RIMS2: variants seen among roughly 807,000 people sequenced by gnomAD.
RIMS2 encodes the protein regulating synaptic membrane exocytosis protein 2.
In RIMS2, 59 loss-of-function variants were observed where a neutral mutation model predicts 174.4. The observed-to-expected ratio is 0.34, with a 90% CI of 0.27 to 0.42. RIMS2 has a LOEUF of 0.42. Ranked by LOEUF, RIMS2 falls within the 10% of genes least tolerant of loss-of-function variation. RIMS2 has a pLI of 1.00. For synonymous variants in RIMS2, 606 were observed against 572.5 expected, an observed-to-expected ratio of 1.06 and a Z score of -0.84; for missense variants, 1,620 against 1,666.3, an observed-to-expected ratio of 0.97 and a Z score of 0.48.
intron 3 of RIMS2, among the ~76,000 whole-genome samples, chr8:103,876,774 G>A (rs374223657): frequency 3.4e-5 from 5 of 147,998 alleles, no homozygotes; most frequent in Non-Finnish European, 6.0e-5. Context: ...CCATTATTAC[G>A]TTCCTTTTTG....
chr8:104,233,401 C>T (rs189989477), intron 19 of RIMS2, among the ~76,000 whole-genome samples: 1 of 152,146 alleles, frequency 6.6e-6, no homozygotes, highest in East Asian at 1.9e-4. Context: ...ATGGTAGCCA[C>T]AGAAAAACTG....
intron 15 of RIMS2, among the ~76,000 whole-genome samples, chr8:103,962,011 GT>G (rs1164911440): frequency 1.3e-5 from 2 of 152,090 alleles, no homozygotes; most frequent in Non-Finnish European, 2.9e-5. Flanking sequence ...TCATAAAGTA[GT>G]TTTGAGAAAT....
intron 2 of RIMS2, among the ~76,000 whole-genome samples, chr8:103,757,784 G>A (rs891117744): frequency 1.3e-5 from 2 of 152,164 alleles, no homozygotes; most frequent in Non-Finnish European, 2.9e-5. Context: ...AGAAGAGAAG[G>A]CGATGTGAAG....
intron 2 of RIMS2, among the ~76,000 whole-genome samples, chr8:103,760,807 G>T (rs1468914204): frequency 2.0e-5 from 3 of 152,134 alleles, no homozygotes; most frequent in African/African-American, 7.2e-5. Flanking sequence ...ATGTATATTT[G>T]TTGAGCTTTA....
chr8:103,954,806 A>C (rs1261520808), intron 14 of RIMS2, among the ~76,000 whole-genome samples: 1 of 152,164 alleles, frequency 6.6e-6, no homozygotes, highest in Non-Finnish European at 1.5e-5. Flanking sequence ...AAAATCAACA[A>C]ATCCAGGAGC....
chr8:104,191,171 G>A (rs1439730642), intron 19 of RIMS2, among the ~76,000 whole-genome samples: 5 of 151,920 alleles, frequency 3.3e-5, no homozygotes, highest in African/African-American at 7.3e-5. Flanking sequence ...TTGAAACATA[G>A]TCTCTATTTT....
intron 18 of RIMS2, among the ~76,000 whole-genome samples, chr8:104,013,911 A>G (rs1476577836): frequency 6.6e-6 from 1 of 152,206 alleles, no homozygotes. Flanking sequence ...CTCCTACAGA[A>G]TGAGAAACTA....
chr8:103,565,539 C>G (rs1398580675), intron 1 of RIMS2, among the ~76,000 whole-genome samples: 1 of 152,146 alleles, frequency 6.6e-6, no homozygotes, highest in East Asian at 1.9e-4. Flanking sequence ...TATCCGAGTT[C>G]AAGCAATCTG....
At chr8:103,703,769 G>C (rs1188146695) in intron 2 of RIMS2, among the ~76,000 whole-genome samples, 2 of 151,972 alleles carry the variant, frequency 1.3e-5, no homozygotes, top group Non-Finnish European at 2.9e-5. Context: ...AAATGGGATT[G>C]CTTGTTTGAT....
chr8:103,579,923 G>T (rs1411975487), intron 1 of RIMS2, among the ~76,000 whole-genome samples: 3 of 152,138 alleles, frequency 2.0e-5, no homozygotes, highest in Non-Finnish European at 4.4e-5. Flanking sequence ...TGAAGACGGA[G>T]ATGCTGCACA....
intron 19 of RIMS2, among the ~76,000 whole-genome samples, chr8:104,155,740 C>A (rs1219809333): frequency 6.6e-6 from 1 of 152,020 alleles, no homozygotes; most frequent in Non-Finnish European, 1.5e-5. Flanking sequence ...ACTACACTAA[C>A]AATGAGAAAA....
intron 4 of RIMS2, among the ~76,000 whole-genome samples, chr8:103,900,310 A>C (rs902447856): frequency 6.6e-6 from 1 of 151,374 alleles, no homozygotes; most frequent in East Asian, 1.9e-4. Context: ...TACAGTCTCC[A>C]CCTCCTGGGT....
chr8:103,597,356 G>A (rs989083623), intron 1 of RIMS2, among the ~76,000 whole-genome samples: 2 of 152,006 alleles, frequency 1.3e-5, no homozygotes, highest in Non-Finnish European at 2.9e-5. Context: ...TTTACTTTCT[G>A]GCATGCACAT....
At chr8:103,742,754 T>C (rs537936352) in intron 2 of RIMS2, among the ~76,000 whole-genome samples, 1 of 152,278 alleles carries the variant, frequency 6.6e-6, no homozygotes, top group South Asian at 2.1e-4. Context: ...GATGGTTTCA[T>C]GCTGTTTTCT....
At chr8:103,650,370 C>T (rs2096428663) in intron 1 of RIMS2, among the ~76,000 whole-genome samples, 1 of 152,134 alleles carries the variant, frequency 6.6e-6, no homozygotes, top group Non-Finnish European at 1.5e-5. Flanking sequence ...ACTGGAGACT[C>T]CTGCTGGGAG....
chr8:103,819,759 A>C, intron 3 of RIMS2: 1 of 615,386 alleles, frequency 1.6e-6, no homozygotes, highest in Non-Finnish European at 2.6e-6. Context: ...TAAATATAAA[A>C]TTTTATATAG....
At chr8:103,621,225 C>T (rs1165680043) in intron 1 of RIMS2, among the ~76,000 whole-genome samples, 2 of 152,164 alleles carry the variant, frequency 1.3e-5, no homozygotes, top group East Asian at 3.9e-4. Flanking sequence ...AAAGGGTACA[C>T]CCACCAGCAG....
At chr8:103,789,749 C>CTTTTTTTTTTTTTTTTTTTTT (rs11354049) in intron 3 of RIMS2, among the ~76,000 whole-genome samples, 2 of 85,186 alleles carry the variant, frequency 2.3e-5, no homozygotes, top group African/African-American at 4.7e-5. Context: ...GGATTGTACT[C>CTTTTTTTTTTTTTTTTTTTTT]TTTTTTTTTT....
At chr8:103,759,643 T>C (rs2098086350) in intron 2 of RIMS2, among the ~76,000 whole-genome samples, 2 of 151,742 alleles carry the variant, frequency 1.3e-5, no homozygotes, top group African/African-American at 2.4e-5. Flanking sequence ...AGAACTGTCC[T>C]TTGTTCTAGT....
Sources: gnomAD v4.1 joint callset for allele counts (sites outside exome capture counted in the v4.1 genomes callset) on GRCh38, gnomAD v4.1.1 for gene constraint, MANE v1.5 for transcripts, NCBI Gene and HGNC (gene_info 2026-07-23, HGNC 2026-07-21) for gene names.